The following ATL1 variants were observed in gnomAD, a reference collection of about 807,000 sequenced individuals.
ATL1 encodes atlastin-1.
ATL1 carries 31 observed loss-of-function variants against 75.5 expected under a neutral mutation model. The ratio of observed to expected loss-of-function variants is 0.41; its 90% CI spans 0.31 to 0.55. The LOEUF (loss-of-function observed/expected upper bound fraction) is 0.55, where lower values mean the gene tolerates loss of function less well. Ranked by LOEUF, ATL1 falls within the 20% of genes least tolerant of loss-of-function variation. ATL1 has a pLI of 0.27. For missense variants in ATL1, 405 were observed against 662.6 expected (o/e 0.61, Z 4.27); for synonymous variants, 226 against 233.3 (o/e 0.97, Z 0.28).
At chr14:50,581,674 G>C (rs970036872) in intron 1 of ATL1, among the ~76,000 whole-genome samples, 1 of 152,076 alleles carries the variant, frequency 6.6e-6, no homozygotes, top group African/African-American at 2.4e-5. Flanking sequence ...TTTATGATGA[G>C]ATAACATATT....
intron 1 of ATL1, among the ~76,000 whole-genome samples, chr14:50,537,563 A>G (rs1239790457): frequency 1.3e-5 from 2 of 152,214 alleles, no homozygotes; most frequent in East Asian, 1.9e-4. Context: ...GAAAAGCTGC[A>G]GACACTCAAC....
chr14:50,585,244 T>C (rs560022953), intron 1 of ATL1, among the ~76,000 whole-genome samples: 3 of 152,388 alleles, frequency 2.0e-5, no homozygotes, highest in Admixed American at 2.0e-4. Context: ...TAAAGTTGAA[T>C]ATTTGAAAAA....
intron 1 of ATL1, among the ~76,000 whole-genome samples, chr14:50,583,514 A>G (rs2039075485): frequency 6.6e-6 from 1 of 152,192 alleles, no homozygotes; most frequent in African/African-American, 2.4e-5. Context: ...TAAATGTAAT[A>G]AACCTCTTCC....
chr14:50,575,472 T>G (rs2038997399), intron 1 of ATL1, among the ~76,000 whole-genome samples: 1 of 152,184 alleles, frequency 6.6e-6, no homozygotes, highest in Non-Finnish European at 1.5e-5. Flanking sequence ...ATTTATGAGT[T>G]AGTATTTTGT....
At position 50,620,634 on chromosome 14, in the gene ATL1, C is replaced by A. The variant is rs775416743; in HGVS notation, c.898C>A (p.Leu300Met). 3 of 1,613,368 alleles carry A rather than the reference C, an allele frequency of 1.9e-6. No homozygotes were observed. Among genetic ancestry groups the A allele is most frequent in the African/African-American group, 1.3e-5 (1 of 74,996 alleles). Residue 300 changes from leucine (L) to methionine (M), a missense_variant, in exon 9 of 14, where the codon CTG becomes ATG. Physicochemically the swap from Leu to Met is conservative, Grantham distance 15. Around this residue, in one of 5 missense-constraint regions of ATL1, gnomAD observed 56 missense variants for 66.6 expected, o/e 0.84. Transcript: ENST00000358385. ...TGAATTCATCAAAAACTTGAAAATA[C>A]TGATTCCTTGGCTACTTAGTCCCGA... ...DDEFIKNLKILIPWLLSPESL... is the reference protein window; with the variant it reads ...DDEFIKNLKIMIPWLLSPESL...
chr14:50,626,715 G>A (rs1395702409), intron 11 of ATL1, among the ~76,000 whole-genome samples: 4 of 152,184 alleles, frequency 2.6e-5, no homozygotes, highest in African/African-American at 2.4e-5. Context: ...ATCAGGGAAA[G>A]TGTGGTATTT....
intron 1 of ATL1, among the ~76,000 whole-genome samples, chr14:50,586,837 T>C (rs1439323013): frequency 1.3e-5 from 2 of 152,196 alleles, no homozygotes; most frequent in Non-Finnish European, 2.9e-5. Context: ...AGTTGTGCTC[T>C]TGGGAAATTT....
chr14:50,585,496 A>G (rs909681022), intron 1 of ATL1, among the ~76,000 whole-genome samples: 14 of 152,212 alleles, frequency 9.2e-5, no homozygotes, highest in African/African-American at 1.7e-4. Flanking sequence ...TGCTATTCTC[A>G]AAAAGGGCCT....
At chr14:50,574,927 G>C (rs2038987149) in intron 1 of ATL1, among the ~76,000 whole-genome samples, 1 of 95,062 alleles carries the variant, frequency 1.1e-5, no homozygotes, top group African/African-American at 4.8e-5. Flanking sequence ...GTGTGTGTGT[G>C]TGTGTGTGTG....
chr14:50,598,173 C>T (rs2039238916), intron 6 of ATL1, among the ~76,000 whole-genome samples: 1 of 151,798 alleles, frequency 6.6e-6, no homozygotes, highest in Non-Finnish European at 1.5e-5. Context: ...ATTGTATAAA[C>T]CAAAGAGATA....
At chr14:50,563,076 A>T (rs975994446) in intron 1 of ATL1, among the ~76,000 whole-genome samples, 1 of 152,214 alleles carries the variant, frequency 6.6e-6, no homozygotes, top group Non-Finnish European at 1.5e-5. Context: ...TTTATCTTCT[A>T]TCTCTTTGTT....
chr14:50,552,973 T>G (rs1313762883), intron 1 of ATL1, among the ~76,000 whole-genome samples: 2 of 152,078 alleles, frequency 1.3e-5, no homozygotes, highest in East Asian at 3.9e-4. Flanking sequence ...TGACTAAGAA[T>G]CCGAAAGCAA....
exon 1 of ATL1, chr14:50,533,197 A>G (rs1258391957): frequency 6.6e-6 from 1 of 152,236 alleles, no homozygotes; most frequent in East Asian, 1.9e-4. Flanking sequence ...TGTTGGGCAC[A>G]CGCAGTGTCT....
chr14:50,580,068 G>A (rs779484932), intron 1 of ATL1, among the ~76,000 whole-genome samples: 8 of 152,100 alleles, frequency 5.3e-5, no homozygotes, highest in South Asian at 2.1e-4. Context: ...ATATAGTCAC[G>A]TTATGACTAC....
chr14:50,562,783 G>C (rs1484750269), intron 1 of ATL1, among the ~76,000 whole-genome samples: 1 of 152,164 alleles, frequency 6.6e-6, no homozygotes, highest in African/African-American at 2.4e-5. Context: ...TTTCTTTGCT[G>C]TTAAGTACAT....
chr14:50,584,723 A>G (rs2039086659), intron 1 of ATL1, among the ~76,000 whole-genome samples: 1 of 151,590 alleles, frequency 6.6e-6, no homozygotes, highest in Admixed American at 6.6e-5. Context: ...AAATAAATAA[A>G]TAAATAAAAA....
chr14:50,607,341 C>T (rs187945737), intron 6 of ATL1, among the ~76,000 whole-genome samples: 1 of 152,168 alleles, frequency 6.6e-6, no homozygotes, highest in East Asian at 1.9e-4. Flanking sequence ...GGCATAGTCT[C>T]ATTGAGCAAA....
At chr14:50,629,583 C>CA (rs1179543983) in intron 12 of ATL1, among the ~76,000 whole-genome samples, 3,771 of 112,726 alleles carry the variant, frequency 0.033, 71 homozygotes, top group Non-Finnish European at 0.04. Context: ...CTCCATCTCC[C>CA]AAAAAAAAAA....
chr14:50,613,075 T>G (rs2039381109), intron 6 of ATL1, among the ~76,000 whole-genome samples, 184 bp from the exon 7 acceptor site: 1 of 152,136 alleles, frequency 6.6e-6, no homozygotes, highest in South Asian at 2.1e-4. Flanking sequence ...AATGGAAATA[T>G]GTAGGATGAT....
Sources: allele counts gnomAD v4.1 joint callset (sites outside exome capture counted in the v4.1 genomes callset), GRCh38; gene constraint gnomAD v4.1.1; regional missense constraint gnomAD v4.1.1; transcripts MANE v1.5; gene names NCBI Gene and HGNC (gene_info 2026-07-23, HGNC 2026-07-21).